DIP2B: variants seen among roughly 807,000 people sequenced by gnomAD.
DIP2B encodes the protein disco-interacting protein 2 homolog B.
In DIP2B, 76 loss-of-function variants were observed where a neutral mutation model predicts 198.0. The ratio of observed to expected loss-of-function variants is 0.38; its 90% CI spans 0.32 to 0.46. DIP2B has a LOEUF of 0.46. Ranked by LOEUF, DIP2B falls within the 20% of genes least tolerant of loss-of-function variation. DIP2B has a pLI of 0.99. For missense variants in DIP2B, 1,559 were observed against 1,978.4 expected (o/e 0.79, Z 4.02); for synonymous variants, 701 against 739.1 (o/e 0.95, Z 0.84).
chr12:50,544,060 T>A (rs1958353018), intron 1 of DIP2B, among the ~76,000 whole-genome samples: 1 of 150,418 alleles, frequency 6.6e-6, no homozygotes, highest in Middle Eastern at 3.4e-3. Flanking sequence ...AAACCTCGTC[T>A]CTACTAAAAT....
chr12:50,610,280 G>C (rs1959020154), intron 1 of DIP2B, among the ~76,000 whole-genome samples: 1 of 152,100 alleles, frequency 6.6e-6, no homozygotes, highest in South Asian at 2.1e-4. Context: ...ATGGTGGGTA[G>C]AGTTTTTTTG....
intron 1 of DIP2B, 87 bp from the exon 2 acceptor site, chr12:50,625,889 A>G (rs970867978): frequency 7.4e-5 from 105 of 1,418,570 alleles, no homozygotes; most frequent in Non-Finnish European, 9.6e-5. Context: ...GGGTAGTTCT[A>G]TAACTCTGTA....
At chr12:50,561,451 C>G (rs1310465668) in intron 1 of DIP2B, among the ~76,000 whole-genome samples, 1 of 151,624 alleles carries the variant, frequency 6.6e-6, no homozygotes, top group African/African-American at 2.4e-5. Flanking sequence ...TAAGTGAGAG[C>G]TACAAATCTG....
chr12:50,598,054 A>G (rs1958893354), intron 1 of DIP2B, among the ~76,000 whole-genome samples: 1 of 152,236 alleles, frequency 6.6e-6, no homozygotes, highest in Non-Finnish European at 1.5e-5. Flanking sequence ...AGTTTCAGAA[A>G]TAACTCAAGT....
intron 1 of DIP2B, among the ~76,000 whole-genome samples, chr12:50,621,773 G>A (rs1937816650): frequency 6.6e-6 from 1 of 152,138 alleles, no homozygotes; most frequent in Admixed American, 6.6e-5. Context: ...ACGGGGAGGG[G>A]GAGCATTTTA....
chr12:50,519,987 A>ATC (rs1958101390), intron 1 of DIP2B, among the ~76,000 whole-genome samples: 1 of 150,866 alleles, frequency 6.6e-6, no homozygotes, highest in Non-Finnish European at 1.5e-5. Flanking sequence ...AATTCAGTTC[A>ATC]GATATGAATA....
intron 3 of DIP2B, among the ~76,000 whole-genome samples, chr12:50,644,303 T>G (rs1938312034): frequency 1.3e-5 from 2 of 152,224 alleles, no homozygotes; most frequent in Admixed American, 1.3e-4. Flanking sequence ...CACAAATTAA[T>G]GCCTGAGATG....
rs1406439972 is a variant in DIP2B, at chr12:50,698,401, C to T, written c.2122C>T (p.Arg708Trp). Residue 708 changes from arginine (R) to tryptophan (W), a missense_variant, in exon 18 of 38, where the codon CGG (arginine) becomes TGG (tryptophan). Coordinates refer to ENST00000301180, the MANE Select transcript of DIP2B (RefSeq NM_173602.3). ...SMNGLSYGVI[R>W]VNTEDKNSAL... ...GAATGGATTGAGCTATGGGGTAATACGGGTCAATACTGAAGATAAAAATTC... is the reference window on the plus strand; with the variant it reads ...GAATGGATTGAGCTATGGGGTAATATGGGTCAATACTGAAGATAAAAATTC... The T allele has an allele frequency of 5.6e-6, 9 of 1,613,842 alleles. No homozygotes were observed. Among genetic ancestry groups the T allele is most frequent in the East Asian group, 2.2e-5 (1 of 44,892 alleles).
At position 50,685,738 on chromosome 12, in the gene DIP2B, C is replaced by T. The variant is rs1487198100; in HGVS notation, c.1318-95C>T. ...ATTGGTGGGGCTCCATGAATGTTAT[C>T]AAACAAAATGCCAGAGCATTACTAA... On this transcript the variant is annotated intron_variant, in intron 10 of 37. Coordinates refer to ENST00000301180, the MANE Select transcript of DIP2B (RefSeq NM_173602.3). The T allele has an allele frequency of 2.9e-6, 4 of 1,380,050 alleles. No individual in the cohort carries two copies. In the Admixed American group the frequency reaches 1.1e-4, roughly 36 times the overall value. The allele number at this position is 1,380,050 out of a possible 1,614,324, so 85.5% of individuals were successfully genotyped here. A position where few individuals can be genotyped will look rare whatever the true frequency, so the allele number is the denominator to read the frequency against.
At chr12:50,525,987 A>G (rs188465179) in intron 1 of DIP2B, among the ~76,000 whole-genome samples, 4 of 152,240 alleles carry the variant, frequency 2.6e-5, no homozygotes, top group Non-Finnish European at 5.9e-5. Context: ...AAAATTTTCT[A>G]ATTAATACCA....
At chr12:50,705,451 C>G (rs1032359101) in intron 20 of DIP2B, among the ~76,000 whole-genome samples, 1 of 152,180 alleles carries the variant, frequency 6.6e-6, no homozygotes, top group Non-Finnish European at 1.5e-5. Flanking sequence ...CATCTGTATT[C>G]CAAGAAACAG....
chr12:50,527,065 G>A (rs1397423339), intron 1 of DIP2B, among the ~76,000 whole-genome samples: 1 of 152,196 alleles, frequency 6.6e-6, no homozygotes, highest in Non-Finnish European at 1.5e-5. Flanking sequence ...GGTTTAATGG[G>A]TCCTGGTTGG....
intron 27 of DIP2B, among the ~76,000 whole-genome samples, chr12:50,723,608 A>G (rs1384860938): frequency 6.6e-6 from 1 of 152,202 alleles, no homozygotes; most frequent in East Asian, 1.9e-4. Context: ...AAAGGTAGCC[A>G]GGCATTGTGG....
At chr12:50,648,529 A>G (rs1938391188) in intron 3 of DIP2B, among the ~76,000 whole-genome samples, 1 of 151,216 alleles carries the variant, frequency 6.6e-6, no homozygotes, top group Admixed American at 6.6e-5. Flanking sequence ...ACGCCCGGCT[A>G]ATTTTTTGTA....
rs1286935688 is a variant in DIP2B at position 50,701,453 on chromosome 12, C to T, written c.2325+2251C>T. ...GCGGAGTGCAGTGGTGCAATCTCGG[C>T]TCACTGCAACCTCTGCCTCCCGGGT... is the stretch of plus-strand genomic sequence containing the variant. On this transcript the variant is annotated intron_variant, in intron 19 of 37. Transcript: ENST00000301180. Among the ~76,000 whole-genome samples, 4 of 152,366 alleles carry T rather than the reference C, an allele frequency of 2.6e-5. No individual in the cohort carries two copies. The East Asian group carries it at 7.7e-4, about 29-fold the overall frequency.
chr12:50,643,119 G>A (rs1435600605), intron 3 of DIP2B, among the ~76,000 whole-genome samples: 1 of 151,450 alleles, frequency 6.6e-6, no homozygotes, highest in East Asian at 2.0e-4. Flanking sequence ...GGATTATTAA[G>A]GATCCAAAAA....
chr12:50,579,473 G>A (rs1958694696), intron 1 of DIP2B, among the ~76,000 whole-genome samples: 1 of 150,550 alleles, frequency 6.6e-6, no homozygotes, highest in African/African-American at 2.4e-5. Context: ...TTAGCCAGGT[G>A]TGGTGGCAGG....
intron 1 of DIP2B, among the ~76,000 whole-genome samples, chr12:50,544,118 C>T (rs1038504500): frequency 2.0e-5 from 3 of 151,114 alleles, no homozygotes; most frequent in African/African-American, 7.3e-5. Context: ...GTCCCAGTTG[C>T]TCAGGAGGCT....
intron 1 of DIP2B, among the ~76,000 whole-genome samples, chr12:50,549,124 A>G (rs1289830808): frequency 6.6e-6 from 1 of 151,712 alleles, no homozygotes; most frequent in East Asian, 1.9e-4. Flanking sequence ...TACAAATTGG[A>G]ATTCTTCTAT....
Sources: gnomAD v4.1 joint callset for allele counts (sites outside exome capture counted in the v4.1 genomes callset) on GRCh38, gnomAD v4.1.1 for gene constraint, MANE v1.5 for transcripts, NCBI Gene and HGNC (gene_info 2026-07-23, HGNC 2026-07-21) for gene names.